The following MLXIP variants were observed in gnomAD, a reference collection of about 807,000 sequenced individuals.
MLXIP encodes the protein MLX interacting protein.
A neutral mutation model predicts 87.2 loss-of-function variants in MLXIP; 30 were observed. The ratio of observed to expected loss-of-function variants is 0.34; its 90% CI spans 0.26 to 0.47. The LOEUF is 0.47. Ranked by LOEUF, MLXIP falls within the 20% of genes least tolerant of loss-of-function variation. The pLI is 1.00. For synonymous variants in MLXIP, 530 were observed against 514.0 expected (o/e 1.03, Z -0.42); for missense variants, 1,002 against 1,240.1 (o/e 0.81, Z 2.88).
At chr12:122,127,989 G>T in intron 3 of MLXIP, 21 bp downstream of exon 3, 1 of 1,602,462 alleles carries the variant, frequency 6.2e-7, no homozygotes. Flanking sequence ...GTGACCAAGG[G>T]TGGCTGAGAG....
At chr12:122,139,083 G>T in intron 15 of MLXIP, 145 bp downstream of exon 15, 1 of 1,305,876 alleles carries the variant, frequency 7.7e-7, no homozygotes, top group Non-Finnish European at 1.0e-6. Flanking sequence ...TGTCTATCTC[G>T]GGAGAGAGTG....
intron 1 of MLXIP, among the ~76,000 whole-genome samples, chr12:122,112,809 A>G (rs1300697394): frequency 6.6e-6 from 1 of 152,226 alleles, no homozygotes; most frequent in Non-Finnish European, 1.5e-5. Flanking sequence ...CAGGATCCCT[A>G]CATCATCCCT....
chr12:122,140,382 C>T (rs540762567), intron 15 of MLXIP, among the ~76,000 whole-genome samples: 171 of 152,188 alleles, frequency 1.1e-3, no homozygotes, highest in Middle Eastern at 3.4e-3. Flanking sequence ...CTGCAGCCTC[C>T]GCCTCCCGGG....
At chr12:122,128,419 G>A (rs962983485) in intron 3 of MLXIP, 1 of 161,420 alleles carries the variant, frequency 6.2e-6, no homozygotes, top group African/African-American at 2.4e-5. Flanking sequence ...CGATAAAGGG[G>A]GAATTTAGAA....
rs1056297386 is a variant in MLXIP at position 122,142,036 on chromosome 12, A to G, written c.*224A>G. 14 of 688,382 alleles carry G rather than the reference A, an allele frequency of 2.0e-5. No homozygotes were observed. Among genetic ancestry groups the G allele is most frequent in the African/African-American group, 1.9e-4 (11 of 56,698 alleles). 42.6% of individuals were successfully genotyped at this position (688,382 alleles called of 1,614,324 possible). The stretch of plus-strand genomic sequence containing the variant: ...GGAACCCCTTGCTGTGAACTCTCTC[A>G]CTCAGTGACCTCAGTCACCAACCTC... On this transcript the variant is annotated 3_prime_UTR_variant, in exon 17 of 17. Transcript: ENST00000319080.
intron 1 of MLXIP, among the ~76,000 whole-genome samples, chr12:122,093,161 T>C (rs1952274673): frequency 6.9e-6 from 1 of 144,468 alleles, no homozygotes; most frequent in African/African-American, 2.6e-5. Context: ...GCGTGTAGGG[T>C]ATGTAGTGTG....
At chr12:122,103,208 T>C in intron 1 of MLXIP, among the ~76,000 whole-genome samples, 1 of 12,234 alleles carries the variant, frequency 8.2e-5, no homozygotes, top group East Asian at 1.9e-3. Flanking sequence ...TGTATTTATT[T>C]ATTTATTTAT....
At chr12:122,130,983 C>A in intron 7 of MLXIP, 50 bp downstream of exon 7, 1 of 1,197,618 alleles carries the variant, frequency 8.3e-7, no homozygotes, top group Non-Finnish European at 1.2e-6. Context: ...TCCCCCAGCC[C>A]AGCACAGAGC....
Position 122,138,181 on chromosome 12 carries a change from G to T in MLXIP, c.2155-13G>T, listed in dbSNP as rs1474632178. The T allele has an allele frequency of 6.3e-7, 1 of 1,590,782 alleles. No homozygotes were observed. Among genetic ancestry groups the T allele is most frequent in the Admixed American group, 1.8e-5 (1 of 56,440 alleles). On this transcript the variant is annotated splice_polypyrimidine_tract_variant and intron_variant, in intron 12 of 16. Coordinates refer to ENST00000319080, the MANE Select transcript of MLXIP (RefSeq NM_014938.6). Reference sequence around the variant, plus strand: ...AATGTGCCTGTCTTAGTGACCAGCGGGTTCTCCAGCAGAACCGGCAGATGA... The same window carrying T: ...AATGTGCCTGTCTTAGTGACCAGCGTGTTCTCCAGCAGAACCGGCAGATGA...
rs551909831 is a variant in MLXIP, at chr12:122,105,017, C to G, written c.414-22239C>G. Among the ~76,000 whole-genome samples, 7 of 152,284 alleles carry G rather than the reference C, an allele frequency of 4.6e-5. No homozygotes were observed. In the South Asian group the frequency reaches 6.2e-4, roughly 14 times the overall value. ...CTGGTGAACATGTTTCCTTGCTCCC[C>G]GTGTTTCCTCTAAACCACTAAATCA... On this transcript the variant is annotated intron_variant, in intron 1 of 16. Transcript: ENST00000319080.
rs1177216284 is a variant in MLXIP at position 122,089,009 on chromosome 12, CAA to C, written c.413+9765_413+9766del. 8.3e-3 allele frequency among the ~76,000 whole-genome samples: 396 copies of C among 47,840 alleles called. 1 individual carries two copies. The highest frequency in any genetic ancestry group is 0.023 in the African/African-American group (371 of 16,356). The allele number at this position is 47,840 out of a possible 152,430, so 31.4% of individuals were successfully genotyped here. A position where few individuals can be genotyped will look rare whatever the true frequency, so the allele number is the denominator to read the frequency against. On this transcript the variant is annotated intron_variant, in intron 1 of 16. Coordinates refer to ENST00000319080, the MANE Select transcript of MLXIP (RefSeq NM_014938.6). The stretch of plus-strand genomic sequence containing the variant: ...CAATGTAGTGAGACCCCCATCTCTA[CAA>C]AAAAAAAAAAAAAAAAAAAAATTAG...
At chr12:122,093,919 G>T (rs1428020212) in intron 1 of MLXIP, among the ~76,000 whole-genome samples, 5 of 136,038 alleles carry the variant, frequency 3.7e-5, no homozygotes, top group African/African-American at 1.3e-4. Context: ...TGTGTTTGCG[G>T]TGTCTGGTGT....
chr12:122,095,336 C>T (rs1952336241), intron 1 of MLXIP, among the ~76,000 whole-genome samples: 1 of 151,954 alleles, frequency 6.6e-6, no homozygotes, highest in Admixed American at 6.6e-5. Flanking sequence ...CACACATGCA[C>T]ACTTAGTGCT....
chr12:122,091,882 A>G (rs1486935953), intron 1 of MLXIP, among the ~76,000 whole-genome samples: 2 of 152,154 alleles, frequency 1.3e-5, no homozygotes, highest in African/African-American at 2.4e-5. Context: ...GAGATTCGAC[A>G]TATTTGAAAA....
At chr12:122,111,923 A>G (rs1442531547) in intron 1 of MLXIP, among the ~76,000 whole-genome samples, 1 of 152,218 alleles carries the variant, frequency 6.6e-6, no homozygotes, top group African/African-American at 2.4e-5. Flanking sequence ...TTTATTAAAC[A>G]TAATCCCAAT....
rs1953019852 is a variant in MLXIP, at chr12:122,133,507, T to G, written c.1252T>G (p.Ser418Ala). 1 of 1,610,880 alleles carries G rather than the reference T, an allele frequency of 6.2e-7. No homozygotes were observed. The highest frequency in any genetic ancestry group is 8.5e-7 in the Non-Finnish European group (1 of 1,178,968). Residue 418 changes from serine to alanine, a missense_variant, in exon 9 of 17, where the codon TCA becomes GCA. Around this residue, in one of 3 missense-constraint regions of MLXIP, gnomAD observed 746 missense variants for 897.0 expected, o/e 0.83. Coordinates refer to ENST00000319080, the MANE Select transcript of MLXIP (RefSeq NM_014938.6). The surrounding 1 kb of genome is among the most constrained non-coding windows in gnomAD (Gnocchi z 4.9). ...TATCCAGCCCACGGACTTCGGTCCC[T>G]CAGAGCCGCCACTGAGTGTCCCGCA... ...PFIQPTDFGP[S>A]EPPLSVPQPF...
intron 1 of MLXIP, among the ~76,000 whole-genome samples, chr12:122,116,438 G>T (rs151211781): frequency 6.6e-6 from 1 of 152,190 alleles, no homozygotes; most frequent in Non-Finnish European, 1.5e-5. Flanking sequence ...CATGGCTAAC[G>T]CGCAGGTTTT....
intron 1 of MLXIP, among the ~76,000 whole-genome samples, chr12:122,124,588 AC>A (rs2135964772): frequency 6.7e-6 from 1 of 150,328 alleles, no homozygotes; most frequent in South Asian, 2.1e-4. Flanking sequence ...CACCGGCGTC[AC>A]CTTTTCCACC....
chr12:122,136,649 T>G (rs1036640543), intron 11 of MLXIP: 1 of 152,060 alleles, frequency 6.6e-6, no homozygotes, highest in Non-Finnish European at 1.5e-5. Flanking sequence ...AGGCATGGTG[T>G]AGCTGCTCCT....
Sources: gnomAD v4.1 joint callset for allele counts (sites outside exome capture counted in the v4.1 genomes callset) on GRCh38, gnomAD v4.1.1 for gene constraint, gnomAD v4.1.1 regional missense constraint, Gnocchi (gnomAD v3.1) non-coding constraint, MANE v1.5 for transcripts, NCBI Gene and HGNC (gene_info 2026-07-23, HGNC 2026-07-21) for gene names.